The following CD200R1 variants were observed in gnomAD, a reference collection of about 807,000 sequenced individuals.
The protein encoded by CD200R1 is CD200 receptor 1.
CD200R1 carries 30 observed loss-of-function variants against 38.1 expected under a neutral mutation model. That is an observed-to-expected ratio of 0.79 (90% CI 0.59 to 1.07). The LOEUF is 1.07. Ranked by LOEUF, CD200R1 falls within the 50% of genes least tolerant of loss-of-function variation. CD200R1 has a pLI of 0.00. For synonymous variants in CD200R1, 128 were observed against 152.1 expected, an observed-to-expected ratio of 0.84 and a Z score of 1.16; for missense variants, 372 against 415.4, an observed-to-expected ratio of 0.90 and a Z score of 0.91.
Position 112,929,020 on chromosome 3 carries a change from C to G in CD200R1, c.565G>C (p.Val189Leu), listed in dbSNP as rs763451565. The change falls in exon 5 of 8, where the codon GTA (valine) becomes CTA (leucine). Residue 189 changes from valine to leucine, a missense_variant. By Grantham distance (32) the Val-to-Leu change is conservative. Coordinates refer to ENST00000308611, the MANE Select transcript of CD200R1 (RefSeq NM_138806.4). The part of the protein sequence containing the change: ...TLFQNRNRTA[V>L]CKAVAGKPAA... ...GGCTTCCCTGCAACTGCCTTGCATACTGCAGTTCTATTCCTGTTTTGAAAC... is the reference window on the plus strand; with the variant it reads ...GGCTTCCCTGCAACTGCCTTGCATAGTGCAGTTCTATTCCTGTTTTGAAAC... The G allele has an allele frequency of 1.2e-6, 2 of 1,613,858 alleles. No individual in the cohort carries two copies. The highest frequency in any genetic ancestry group is 1.3e-5 in the African/African-American group (1 of 74,936).
At chr3:112,944,557 G>A (rs550110350) in intron 2 of CD200R1, among the ~76,000 whole-genome samples, 168 of 152,078 alleles carry the variant, frequency 1.1e-3, no homozygotes, top group Middle Eastern at 3.4e-3. Context: ...AAAGCATCAG[G>A]AGCAAAGCAA....
At chr3:112,939,235 C>A (rs1248938329) in intron 2 of CD200R1, among the ~76,000 whole-genome samples, 3 of 151,928 alleles carry the variant, frequency 2.0e-5, no homozygotes, top group Admixed American at 6.6e-5. Flanking sequence ...TGCCTACTCT[C>A]ACCCTTGTTA....
chr3:112,929,357 G>A lies in CD200R1; in HGVS notation c.353C>T (p.Thr118Ile). 1 of 1,614,042 alleles carries A rather than the reference G, an allele frequency of 6.2e-7. No individual in the cohort carries two copies. The highest frequency in any genetic ancestry group is 8.5e-7 in the Non-Finnish European group (1 of 1,179,994). Residue 118 changes from threonine to isoleucine, a missense_variant, in exon 4 of 8, where the codon ACC (threonine) becomes ATC (isoleucine). Transcript: ENST00000308611. ...CTCATCAGTACAGTTGGTTTCCTTG[G>A]TCTCATTTGTTTCTTTCTTGTAGGC... ...TKAYKKETNETKETNCTDERI... is the reference protein window; with the variant it reads ...TKAYKKETNEIKETNCTDERI...
chr3:112,964,494 A>C (rs1020968416), intron 1 of CD200R1, among the ~76,000 whole-genome samples: 1 of 152,172 alleles, frequency 6.6e-6, no homozygotes, highest in Admixed American at 6.5e-5. Context: ...TTGGAGCTTT[A>C]AGATTTGACT....
At chr3:112,943,764 A>G (rs1337104410) in intron 2 of CD200R1, among the ~76,000 whole-genome samples, 1 of 151,716 alleles carries the variant, frequency 6.6e-6, no homozygotes, top group Non-Finnish European at 1.5e-5. Context: ...ATCTGATATG[A>G]AAGAGGGTAT....
intron 1 of CD200R1, among the ~76,000 whole-genome samples, chr3:112,949,810 A>C (rs1940937868): frequency 6.6e-6 from 1 of 152,238 alleles, no homozygotes; most frequent in South Asian, 2.1e-4. Context: ...GCATCTGGAC[A>C]CAGACACTAT....
intron 5 of CD200R1, among the ~76,000 whole-genome samples, chr3:112,926,772 ATT>A (rs112012052): frequency 1.3e-5 from 2 of 150,278 alleles, no homozygotes; most frequent in East Asian, 3.9e-4. Flanking sequence ...GGTAAAAATA[ATT>A]TTTTTTTTAG....
At chr3:112,929,723 A>G (rs1277268939) in intron 3 of CD200R1, among the ~76,000 whole-genome samples, 1 of 152,136 alleles carries the variant, frequency 6.6e-6, no homozygotes, top group Non-Finnish European at 1.5e-5. Context: ...ATTATGTATT[A>G]TTAGAAATAT....
rs1576145171 is a variant in CD200R1 at position 112,952,116 on chromosome 3, C to T, written c.68-4192G>A. ...CTGAAGCTACAGTAATCAAAACAAT[C>T]TGGTCTTGGCTAAAAGATAATCACA... On this transcript the variant is annotated intron_variant, in intron 1 of 7. Transcript: ENST00000308611. 2.0e-5 allele frequency among the ~76,000 whole-genome samples: 3 copies of T among 151,118 alleles called. No homozygotes were observed. In the South Asian group the frequency reaches 6.3e-4, roughly 32 times the overall value.
At chr3:112,949,106 A>C (rs941227162) in intron 1 of CD200R1, among the ~76,000 whole-genome samples, 3 of 152,260 alleles carry the variant, frequency 2.0e-5, no homozygotes, top group Admixed American at 6.5e-5. Context: ...AATGGCATTT[A>C]AAGGAGGTAC....
intron 2 of CD200R1, among the ~76,000 whole-genome samples, chr3:112,939,909 G>A (rs1940686215): frequency 7.2e-6 from 1 of 138,874 alleles, no homozygotes; most frequent in Non-Finnish European, 1.5e-5. Context: ...CACACTAACA[G>A]ACTTCAAAAT....
At chr3:112,924,003 G>A (rs1358291867) in intron 7 of CD200R1, among the ~76,000 whole-genome samples, 2 of 151,922 alleles carry the variant, frequency 1.3e-5, no homozygotes, top group Admixed American at 1.3e-4. Flanking sequence ...ATAAGTCTCT[G>A]TGTGGAGATA....
intron 2 of CD200R1, among the ~76,000 whole-genome samples, chr3:112,947,135 T>C (rs1187292092): frequency 6.6e-6 from 1 of 152,074 alleles, no homozygotes; most frequent in African/African-American, 2.4e-5. Context: ...CAGGGAAGGA[T>C]GAATAGGTAG....
chr3:112,952,823 G>T (rs944763484), intron 1 of CD200R1, among the ~76,000 whole-genome samples: 3 of 151,980 alleles, frequency 2.0e-5, no homozygotes, highest in African/African-American at 7.2e-5. Context: ...ATTTTTCGTG[G>T]AGTCTTTGAG....
Position 112,925,209 on chromosome 3 carries a change from T to G in CD200R1, c.770-16A>C, listed in dbSNP as rs754546265. 8.2e-7 allele frequency: 1 copy of G among 1,222,410 alleles called. No homozygotes were observed. Among genetic ancestry groups the G allele is most frequent in the Non-Finnish European group, 1.2e-6 (1 of 827,648 alleles). The allele number at this position is 1,222,410 out of a possible 1,614,324, so 75.7% of individuals were successfully genotyped here. On this transcript the variant is annotated splice_polypyrimidine_tract_variant and intron_variant, in intron 5 of 7. Coordinates refer to ENST00000308611, the MANE Select transcript of CD200R1 (RefSeq NM_138806.4). ...GCACCTGGAACTATAGACACAAAAA[T>G]ATATGGTTCAAATGTGGTACAATCC...
intron 1 of CD200R1, among the ~76,000 whole-genome samples, chr3:112,963,989 C>T (rs1014904355): frequency 1.3e-4 from 20 of 152,202 alleles, no homozygotes; most frequent in African/African-American, 4.6e-4. Context: ...CAACATACAG[C>T]TCAGGCCATG....
At chr3:112,951,118 A>T (rs1940961661) in intron 1 of CD200R1, among the ~76,000 whole-genome samples, 1 of 152,062 alleles carries the variant, frequency 6.6e-6, no homozygotes, top group African/African-American at 2.4e-5. Flanking sequence ...TTATAAACTA[A>T]CAACTAGACT....
intron 3 of CD200R1, among the ~76,000 whole-genome samples, chr3:112,930,240 T>A (rs1469328302): frequency 6.6e-6 from 1 of 152,160 alleles, no homozygotes; most frequent in African/African-American, 2.4e-5. Context: ...TGATATATAA[T>A]TTTTAAAAAA....
intron 2 of CD200R1, among the ~76,000 whole-genome samples, chr3:112,933,598 AC>A (rs919468427): frequency 2.2e-4 from 34 of 152,210 alleles, no homozygotes; most frequent in African/African-American, 8.2e-4. Context: ...AATATGATAG[AC>A]CCCCCAAATC....
Sources: allele counts gnomAD v4.1 joint callset (sites outside exome capture counted in the v4.1 genomes callset), GRCh38; gene constraint gnomAD v4.1.1; transcripts MANE v1.5; gene names NCBI Gene and HGNC (gene_info 2026-07-23, HGNC 2026-07-21).